Variants in MAGI3 observed in about 807,000 individuals in gnomAD.
The protein encoded by MAGI3 is membrane-associated guanylate kinase, WW and PDZ domain-containing protein 3.
MAGI3 carries 43 observed loss-of-function variants against 121.8 expected under a neutral mutation model. That is an observed-to-expected ratio of 0.35 (90% CI 0.28 to 0.46). The LOEUF (loss-of-function observed/expected upper bound fraction) is 0.46, where lower values mean the gene tolerates loss of function less well. MAGI3 is among the 20% of genes least tolerant of loss of function. The probability of loss-of-function intolerance (pLI) is 1.00; values close to 1 mark genes in which losing one functional copy is unlikely to be tolerated. For synonymous variants in MAGI3, 553 were observed against 639.3 expected (o/e 0.86, Z 2.04); for missense variants, 1,547 against 1,797.3 (o/e 0.86, Z 2.52).
chr1:113,468,065 T>A (rs1655372319), intron 1 of MAGI3, among the ~76,000 whole-genome samples: 1 of 152,232 alleles, frequency 6.6e-6, no homozygotes, highest in Non-Finnish European at 1.5e-5. Flanking sequence ...TTTCCAGTTG[T>A]ATGAAATATC....
At chr1:113,402,725 G>C (rs1651471130) in intron 1 of MAGI3, among the ~76,000 whole-genome samples, 1 of 152,082 alleles carries the variant, frequency 6.6e-6, no homozygotes, top group South Asian at 2.1e-4. Flanking sequence ...TTGGCTCACT[G>C]TCCTCAAGCT....
intron 4 of MAGI3, among the ~76,000 whole-genome samples, chr1:113,587,758 A>G (rs1648463681): frequency 1.3e-5 from 2 of 152,322 alleles, no homozygotes; most frequent in Admixed American, 6.5e-5. Context: ...CCTTTATTCA[A>G]TTGCTTGGAA....
intron 1 of MAGI3, among the ~76,000 whole-genome samples, chr1:113,407,230 C>A (rs1651728551): frequency 6.6e-6 from 1 of 152,006 alleles, no homozygotes; most frequent in Non-Finnish European, 1.5e-5. Context: ...AGAAGGGAAA[C>A]CCTTTAGTTT....
chr1:113,536,584 G>A (rs1373108074), intron 1 of MAGI3, among the ~76,000 whole-genome samples: 4 of 151,586 alleles, frequency 2.6e-5, no homozygotes, highest in African/African-American at 4.8e-5. Flanking sequence ...GAGGTAATAC[G>A]TCATGGAATA....
At chr1:113,570,975 C>T (rs150091562) in intron 2 of MAGI3, among the ~76,000 whole-genome samples, 19,089 of 152,004 alleles carry the variant, frequency 0.13, 1,264 homozygotes, top group East Asian at 0.18. Context: ...CCCATGCCTA[C>T]GTCCTGAATG....
At chr1:113,425,408 G>T (rs1450547238) in intron 1 of MAGI3, among the ~76,000 whole-genome samples, 1 of 142,664 alleles carries the variant, frequency 7.0e-6, no homozygotes, top group African/African-American at 2.6e-5. Flanking sequence ...TCAGCCTCCC[G>T]AATAGCTGGG....
chr1:113,511,579 C>T (rs1000687978), intron 1 of MAGI3, among the ~76,000 whole-genome samples: 1 of 152,168 alleles, frequency 6.6e-6, no homozygotes, highest in Non-Finnish European at 1.5e-5. Context: ...TGTGTCCTTT[C>T]CCCATTGGCT....
intron 5 of MAGI3, among the ~76,000 whole-genome samples, chr1:113,593,277 T>G (rs1029599827): frequency 6.6e-6 from 1 of 152,208 alleles, no homozygotes; most frequent in Non-Finnish European, 1.5e-5. Context: ...TTACTTCAGT[T>G]AAGTATGACA....
At chr1:113,457,418 A>G (rs1232034573) in intron 1 of MAGI3, among the ~76,000 whole-genome samples, 1 of 152,218 alleles carries the variant, frequency 6.6e-6, no homozygotes, top group Non-Finnish European at 1.5e-5. Flanking sequence ...ATTATACGAC[A>G]GTAACAGGTT....
chr1:113,566,406 G>C (rs1387599439), intron 2 of MAGI3, among the ~76,000 whole-genome samples: 1 of 152,070 alleles, frequency 6.6e-6, no homozygotes, highest in Admixed American at 6.6e-5. Flanking sequence ...AATAAAACAA[G>C]ACAAAAGATC....
rs972551005 is a variant in MAGI3 at position 113,685,883 on chromosome 1, A to G, written c.*1869A>G. 3 of 152,270 alleles carry G rather than the reference A, an allele frequency of 2.0e-5. No homozygotes were observed. Among genetic ancestry groups the G allele is most frequent in the African/African-American group, 7.2e-5 (3 of 41,438 alleles). The allele number at this position is 152,270 out of a possible 1,614,324, so 9.4% of individuals were successfully genotyped here. ...AGGTTCTGATTAGAGAAAGATCTGT[A>G]AATTGCTCATTATTTTTTATATAGA... is the stretch of plus-strand genomic sequence containing the variant. On this transcript the variant is annotated 3_prime_UTR_variant, in exon 21 of 21. Transcript: ENST00000307546.
intron 1 of MAGI3, among the ~76,000 whole-genome samples, chr1:113,428,778 CA>C (rs1653150955): frequency 6.6e-6 from 1 of 152,070 alleles, no homozygotes. Flanking sequence ...AAATTTTCAC[CA>C]GAAATACTTG....
At chr1:113,413,267 T>A (rs1652104558) in intron 1 of MAGI3, among the ~76,000 whole-genome samples, 1 of 152,220 alleles carries the variant, frequency 6.6e-6, no homozygotes, top group South Asian at 2.1e-4. Flanking sequence ...ACCATGCTGT[T>A]TTGGTCACCG....
At chr1:113,581,095 T>A (rs1255262540) in intron 3 of MAGI3, 2 of 152,182 alleles carry the variant, frequency 1.3e-5, no homozygotes, top group Admixed American at 6.6e-5. Flanking sequence ...GAATAATTGG[T>A]TTTCTTTTCA....
At position 113,683,226 on chromosome 1, in the gene MAGI3, A is replaced by G. The variant is rs1648325736; in HGVS notation, c.3658A>G (p.Arg1220Gly). 6.2e-7 allele frequency: 1 copy of G among 1,613,812 alleles called. No homozygotes were observed. ...KVENGVTRRG[R>G]SVSPKKPASQ... is the part of the protein sequence containing the mutation. ...AGAAAATGGTGTTACACGAAGAGGT[A>G]GATCGGTTAGTCCCAAAAAGCCAGC... Residue 1220 changes from arginine (R) to glycine (G), a missense_variant, in exon 21 of 21, where the codon AGA becomes GGA. Arg to Gly is a moderately radical substitution (Grantham distance 125). Coordinates refer to ENST00000307546, the MANE Select transcript of MAGI3 (RefSeq NM_001142782.2).
chr1:113,503,747 C>T (rs1657167447), intron 1 of MAGI3, among the ~76,000 whole-genome samples: 1 of 151,960 alleles, frequency 6.6e-6, no homozygotes. Context: ...TTTGCATTCT[C>T]ATATATTGGC....
intron 1 of MAGI3, among the ~76,000 whole-genome samples, chr1:113,453,335 G>A (rs530991142): frequency 6.6e-6 from 1 of 152,132 alleles, no homozygotes; most frequent in Admixed American, 6.5e-5. Context: ...AGTAGAACAA[G>A]AGCTTAGCAA....
chr1:113,436,193 A>T (rs1275387594), intron 1 of MAGI3, among the ~76,000 whole-genome samples: 1 of 152,160 alleles, frequency 6.6e-6, no homozygotes, highest in Non-Finnish European at 1.5e-5. Context: ...AACAGGGCTG[A>T]ATAACAATCA....
Position 113,633,496 on chromosome 1 carries a change from C to T in MAGI3, c.1361-8415C>T, listed in dbSNP as rs1265977819. 4.0e-4 allele frequency among the ~76,000 whole-genome samples: 60 copies of T among 151,732 alleles called. No homozygotes were observed. In the East Asian group the frequency reaches 9.2e-3, roughly 23 times the overall value. On this transcript the variant is annotated intron_variant, in intron 9 of 20. Transcript: ENST00000307546. ...CGGGATGGTCTCGATCTCCTGACCT[C>T]GTGATCCGCCCGCCTCGGCCTCCCA...
Sources: allele counts gnomAD v4.1 joint callset (sites outside exome capture counted in the v4.1 genomes callset), GRCh38; gene constraint gnomAD v4.1.1; transcripts MANE v1.5; gene names NCBI Gene and HGNC (gene_info 2026-07-23, HGNC 2026-07-21).